The following BIN3 variants were observed in gnomAD, a reference collection of about 807,000 sequenced individuals.
BIN3 encodes the protein bridging integrator 3.
Under a neutral mutation model 38.2 loss-of-function variants are expected in BIN3, and 41 were observed. The ratio of observed to expected loss-of-function variants is 1.07; its 90% CI spans 0.84 to 1.39. The LOEUF (loss-of-function observed/expected upper bound fraction) is 1.39. Among genes scored for constraint, BIN3 ranks in the 40% most tolerant of loss-of-function variants. The pLI, the probability that BIN3 is intolerant of heterozygous loss-of-function variation, is 0.00. For synonymous variants in BIN3, 145 were observed against 122.6 expected (o/e 1.18, Z -1.21); for missense variants, 361 against 324.3 (o/e 1.11, Z -0.87).
At chr8:22,625,611 A>G in intron 6 of BIN3, 5 of 583,290 alleles carry the variant, frequency 8.6e-6, no homozygotes, top group Non-Finnish European at 9.2e-6. Context: ...GTTTTGAGAC[A>G]GAGTCTTGCT....
rs1801808355 is a variant in BIN3 at position 22,621,404 on chromosome 8, T to C, written c.*18A>G. ...GAGGCTGACCACGTCACAGGAGTCC[T>C]CCAAGAGTGACGGGGATTCAGTCAT... On this transcript the variant is annotated 3_prime_UTR_variant, in exon 9 of 9. Coordinates refer to ENST00000276416, the MANE Select transcript of BIN3 (RefSeq NM_018688.6). 6.2e-7 allele frequency: 1 copy of C among 1,608,668 alleles called. No individual in the cohort carries two copies. The highest frequency in any genetic ancestry group is 1.3e-5 in the African/African-American group (1 of 74,868).
At chr8:22,653,768 C>T (rs921962313) in intron 1 of BIN3, among the ~76,000 whole-genome samples, 18 of 152,090 alleles carry the variant, frequency 1.2e-4, no homozygotes, top group African/African-American at 4.3e-4. Flanking sequence ...ATAGGCATGC[C>T]TAGGGTTCCT....
intron 2 of BIN3, among the ~76,000 whole-genome samples, chr8:22,640,495 T>G (rs1036701157): frequency 3.9e-5 from 6 of 152,156 alleles, no homozygotes; most frequent in Non-Finnish European, 8.8e-5. Flanking sequence ...GGCCCACATC[T>G]TTCCTCTAAC....
At chr8:22,637,850 C>A (rs900742073) in intron 2 of BIN3, among the ~76,000 whole-genome samples, 2 of 152,208 alleles carry the variant, frequency 1.3e-5, no homozygotes, top group African/African-American at 2.4e-5. Context: ...AAACCGCTAA[C>A]TCACATTCAC....
At chr8:22,668,437 C>CTATT (rs1206970065) in intron 1 of BIN3, among the ~76,000 whole-genome samples, 2 of 152,186 alleles carry the variant, frequency 1.3e-5, no homozygotes, top group Non-Finnish European at 2.9e-5. Flanking sequence ...TTAACCATGC[C>CTATT]TATTTAGAGG....
chr8:22,645,396 C>A (rs917003278), intron 1 of BIN3, among the ~76,000 whole-genome samples: 1 of 151,980 alleles, frequency 6.6e-6, no homozygotes, highest in African/African-American at 2.4e-5. Context: ...GCAGGAGGAT[C>A]ACTTAAGCCC....
At chr8:22,653,506 G>A (rs1010715830) in intron 1 of BIN3, among the ~76,000 whole-genome samples, 6 of 152,024 alleles carry the variant, frequency 3.9e-5, no homozygotes, top group African/African-American at 7.3e-5. Context: ...AAAGGTAACC[G>A]TTACACATTT....
chr8:22,636,651 T>C (rs1479399888), intron 3 of BIN3, 65 bp from the exon 4 acceptor site: 16 of 1,505,708 alleles, frequency 1.1e-5, no homozygotes, highest in Admixed American at 9.8e-5. Flanking sequence ...GAAGCCCAGG[T>C]GCTCTGGAGG....
At position 22,629,996 on chromosome 8, in the gene BIN3, C is replaced by T; in HGVS notation, c.306G>A (p.Gln102=). 1 of 1,609,562 alleles carries T rather than the reference C, an allele frequency of 6.2e-7. No homozygotes were observed. ...AGGGCTCGATCACAGTCTTCTGGAT[C>T]TGGTTCACCTGTCAAAGAAAAACCC... ...MDAFNQEKVN[Q]IQKTVIEPLK... The change falls in exon 6 of 9, where the codon CAG becomes CAA. Residue 102 remains glutamine, a synonymous_variant. Transcript: ENST00000276416.
chr8:22,658,975 G>A (rs1585204188), intron 1 of BIN3, among the ~76,000 whole-genome samples: 1 of 152,238 alleles, frequency 6.6e-6, no homozygotes, highest in East Asian at 1.9e-4. Context: ...CTCCCCCGGG[G>A]CCTTCTGTTA....
chr8:22,634,635 C>T, intron 4 of BIN3: 2 of 428,298 alleles, frequency 4.7e-6, no homozygotes, highest in South Asian at 3.4e-5. Context: ...CAAGTCCCAC[C>T]CGTAGGTGCC....
At chr8:22,638,916 G>GT (rs900877838) in intron 2 of BIN3, among the ~76,000 whole-genome samples, 121 of 152,260 alleles carry the variant, frequency 7.9e-4, no homozygotes, top group African/African-American at 2.7e-3. Context: ...AAAGCTACTC[G>GT]TAAGAAAAAA....
intron 1 of BIN3, among the ~76,000 whole-genome samples, chr8:22,658,596 G>A (rs917209868): frequency 1.3e-5 from 2 of 152,198 alleles, no homozygotes. Flanking sequence ...GGCAGTTGGG[G>A]AGGGATCCCC....
chr8:22,639,502 G>A (rs1386595762), intron 2 of BIN3, among the ~76,000 whole-genome samples: 3 of 152,206 alleles, frequency 2.0e-5, no homozygotes, highest in Admixed American at 6.5e-5. Flanking sequence ...AAAGTGCTGG[G>A]ATTACAGGTT....
rs1003214802 is a variant in BIN3 at position 22,637,080 on chromosome 8, A to G, written c.58-118T>C. ...CAGTCCGCAGAAAACAACATGGTCCAGTTCACACAAGCACCGACAGATCGC... is the reference window on the plus strand; with the variant it reads ...CAGTCCGCAGAAAACAACATGGTCCGGTTCACACAAGCACCGACAGATCGC... On this transcript the variant is annotated intron_variant, in intron 2 of 8. Transcript: ENST00000276416. 6 of 840,456 alleles carry G rather than the reference A, an allele frequency of 7.1e-6. No individual in the cohort carries two copies. In the African/African-American group the frequency reaches 8.4e-5, roughly 12 times the overall value. The allele number at this position is 840,456 out of a possible 1,614,324, so 52.1% of individuals were successfully genotyped here. A position where few individuals can be genotyped will look rare whatever the true frequency, so the allele number is the denominator to read the frequency against.
intron 7 of BIN3, 78 bp from the exon 8 acceptor site, chr8:22,624,127 G>C: frequency 4.4e-6 from 7 of 1,587,780 alleles, no homozygotes; most frequent in Non-Finnish European, 5.2e-6. Flanking sequence ...GGGGACGTCT[G>C]GTGTCTTGGT....
chr8:22,621,498 G>A lies in BIN3; in HGVS notation c.686C>T (p.Ser229Phe), dbSNP rs2117487246. The A allele has an allele frequency of 4.3e-6, 7 of 1,613,984 alleles. No individual in the cohort carries two copies. Among genetic ancestry groups the A allele is most frequent in the Middle Eastern group, 3.3e-4 (2 of 6,062 alleles). ...LSHQLDQPGH[S>F]DEQRERENEA... is the part of the protein sequence containing the mutation. ...GTTCTCCCGCTCCCGCTGCTCATCG[G>A]AGTGGCCTGGCTGGTCAAGCTGATG... The change falls in exon 9 of 9, where the codon TCC becomes TTC. Residue 229 changes from serine to phenylalanine, a missense_variant. Transcript: ENST00000276416.
rs1468312622 is a variant in BIN3 at position 22,621,387 on chromosome 8, C to G, written c.*35G>C. 1 of 1,596,560 alleles carries G rather than the reference C, an allele frequency of 6.3e-7. No individual in the cohort carries two copies. The highest frequency in any genetic ancestry group is 2.3e-5 in the East Asian group (1 of 44,274). ...GAAGGGCAAGGATGAATGAGGCTGACCACGTCACAGGAGTCCTCCAAGAGT... is the reference window on the plus strand; with the variant it reads ...GAAGGGCAAGGATGAATGAGGCTGAGCACGTCACAGGAGTCCTCCAAGAGT... On this transcript the variant is annotated 3_prime_UTR_variant, in exon 9 of 9. Transcript: ENST00000276416.
chr8:22,660,373 G>A (rs1298487192), intron 1 of BIN3, among the ~76,000 whole-genome samples: 2 of 152,362 alleles, frequency 1.3e-5, no homozygotes, highest in Admixed American at 1.3e-4. Context: ...CATTCCGATG[G>A]GCTGACAGTG....
Sources: gnomAD v4.1 joint callset for allele counts (sites outside exome capture counted in the v4.1 genomes callset) on GRCh38, gnomAD v4.1.1 for gene constraint, MANE v1.5 for transcripts, NCBI Gene and HGNC (gene_info 2026-07-23, HGNC 2026-07-21) for gene names.